Variants in PRICKLE2 observed in about 807,000 individuals in gnomAD.
PRICKLE2 encodes prickle planar cell polarity protein 2.
Under a neutral mutation model 81.4 loss-of-function variants are expected in PRICKLE2, and 21 were observed. The observed-to-expected ratio is 0.26, with a 90% confidence interval of 0.18 to 0.37. The LOEUF (loss-of-function observed/expected upper bound fraction) is 0.37. Among genes scored for constraint, PRICKLE2 ranks in the 10% least tolerant of loss-of-function variants. The pLI is 1.00. For missense variants in PRICKLE2, 940 were observed against 1,109.0 expected (o/e 0.85, Z 2.16); for synonymous variants, 456 against 421.5 (o/e 1.08, Z -1.00).
At chr3:64,200,628 T>TG (rs1417122170) in intron 1 of PRICKLE2, 2 of 151,900 alleles carry the variant, frequency 1.3e-5, no homozygotes, top group South Asian at 2.1e-4. Flanking sequence ...GGCTTTTTTT[T>TG]TTTCTGAGAC....
At chr3:64,186,468 G>C (rs898095549) in intron 2 of PRICKLE2, among the ~76,000 whole-genome samples, 4 of 152,202 alleles carry the variant, frequency 2.6e-5, no homozygotes, top group African/African-American at 9.6e-5. Flanking sequence ...TTACTCAAAA[G>C]ACAGAAGTTA....
intron 2 of PRICKLE2, among the ~76,000 whole-genome samples, chr3:64,242,609 A>C (rs2079283946): frequency 6.6e-6 from 1 of 152,270 alleles, no homozygotes; most frequent in Admixed American, 6.5e-5. Flanking sequence ...AGTCCACTTC[A>C]GTGGACGACT....
chr3:64,168,194 G>T (rs2077867647), intron 2 of PRICKLE2, among the ~76,000 whole-genome samples: 1 of 152,112 alleles, frequency 6.6e-6, no homozygotes, highest in Admixed American at 6.5e-5. Flanking sequence ...TATTTTCTTA[G>T]AGCAGGAACC....
chr3:64,141,692 T>C lies in PRICKLE2; in HGVS notation c.1660+5138A>G, dbSNP rs533640405. ...CTGTACACTCCCAGTTCTAAACACA[T>C]TGGGAGAGGCCAAAGCCCAGATCTG... is the stretch of plus-strand genomic sequence containing the variant. On this transcript the variant is annotated intron_variant, in intron 7 of 7. Transcript: ENST00000638394. The C allele has an allele frequency of 6.6e-5, 30 of 457,510 alleles. No homozygotes were observed. In the East Asian group the frequency reaches 7.7e-4, roughly 12 times the overall value. 28.3% of individuals were successfully genotyped at this position (457,510 alleles called of 1,614,324 possible).
chr3:64,244,902 C>T (rs1174139161), intron 2 of PRICKLE2, among the ~76,000 whole-genome samples: 1 of 152,158 alleles, frequency 6.6e-6, no homozygotes, highest in East Asian at 1.9e-4. Flanking sequence ...TCATAGCACA[C>T]ATGAATATAC....
At chr3:64,116,388 C>T (rs2076934384) in intron 7 of PRICKLE2, among the ~76,000 whole-genome samples, 1 of 151,682 alleles carries the variant, frequency 6.6e-6, no homozygotes, top group African/African-American at 2.4e-5. Flanking sequence ...AAAAGCCATT[C>T]AAAAGATCAA....
intron 2 of PRICKLE2, among the ~76,000 whole-genome samples, chr3:64,179,976 A>G (rs192055855): frequency 2.0e-5 from 3 of 152,306 alleles, no homozygotes; most frequent in African/African-American, 4.8e-5. Context: ...GTCACAGTTC[A>G]TTCTTCAAGC....
At chr3:64,128,112 G>T (rs960370440) in intron 7 of PRICKLE2, among the ~76,000 whole-genome samples, 1 of 152,108 alleles carries the variant, frequency 6.6e-6, no homozygotes, top group African/African-American at 2.4e-5. Flanking sequence ...AAGGAGAGGA[G>T]GTAGCGTTGG....
chr3:64,098,471 GAA>G lies in PRICKLE2; in HGVS notation c.*578_*579del, dbSNP rs35195442. On this transcript the variant is annotated 3_prime_UTR_variant, in exon 8 of 8. Coordinates refer to ENST00000638394, the MANE Select transcript of PRICKLE2 (RefSeq NM_198859.4). ...CACTGACATGTAACAAATTTGTATA[GAA>G]AAAAAAAAAAAAAAAAAAAAGGTGG... 1,685 of 79,464 alleles carry G rather than the reference GAA, an allele frequency of 0.021. 9 individuals are homozygous for G. The highest frequency in any genetic ancestry group is 0.041 in the African/African-American group (868 of 20,984). The allele number at this position is 79,464 out of a possible 1,614,324, so 4.9% of individuals were successfully genotyped here. A position where few individuals can be genotyped will look rare whatever the true frequency, so the allele number is the denominator to read the frequency against.
At chr3:64,103,840 C>G (rs1163977776) in intron 7 of PRICKLE2, among the ~76,000 whole-genome samples, 1 of 151,910 alleles carries the variant, frequency 6.6e-6, no homozygotes, top group African/African-American at 2.4e-5. Context: ...ATTAGCTGGG[C>G]ATGGTGGTGC....
intron 2 of PRICKLE2, among the ~76,000 whole-genome samples, chr3:64,242,076 T>A (rs1020076562): frequency 6.6e-6 from 1 of 152,152 alleles, no homozygotes; most frequent in African/African-American, 2.4e-5. Flanking sequence ...CAAGTGTGCC[T>A]TCTAATTATC....
intron 2 of PRICKLE2, among the ~76,000 whole-genome samples, chr3:64,255,247 C>A (rs973423561): frequency 1.6e-4 from 24 of 152,348 alleles, no homozygotes; most frequent in Middle Eastern, 6.8e-3. Flanking sequence ...TTGCTGGTCA[C>A]TGAACTTACT....
chr3:64,157,643 G>A (rs565943534), intron 4 of PRICKLE2, among the ~76,000 whole-genome samples: 6 of 152,298 alleles, frequency 3.9e-5, no homozygotes, highest in South Asian at 4.1e-4. Context: ...GCACAATAAC[G>A]TACAGGGGCT....
chr3:64,254,889 TCA>T (rs2079502264), intron 2 of PRICKLE2, among the ~76,000 whole-genome samples: 1 of 152,180 alleles, frequency 6.6e-6, no homozygotes, highest in South Asian at 2.1e-4. Flanking sequence ...TGTTAACCTC[TCA>T]ACACCATATT....
At chr3:64,134,494 T>C (rs1210536673) in intron 7 of PRICKLE2, among the ~76,000 whole-genome samples, 1 of 152,190 alleles carries the variant, frequency 6.6e-6, no homozygotes, top group African/African-American at 2.4e-5. Context: ...CTTTGTTGAC[T>C]GGGTATAGGG....
At position 64,240,145 on chromosome 3, in the gene PRICKLE2, C is replaced by T. The variant is rs191866026; in HGVS notation, c.129-41178G>A. ...AAAAATAAATAAAATTTTCATTTAGCCTGCTGAATCTGTTCTTTCCATTCC... is the reference window on the plus strand; with the variant it reads ...AAAAATAAATAAAATTTTCATTTAGTCTGCTGAATCTGTTCTTTCCATTCC... On this transcript the variant is annotated intron_variant, in intron 2 of 8. Coordinates refer to the PRICKLE2 transcript ENST00000295902. 1.9e-4 allele frequency among the ~76,000 whole-genome samples: 29 copies of T among 152,006 alleles called. No homozygotes were observed. In the East Asian group the frequency reaches 5.6e-3, roughly 30 times the overall value.
chr3:64,198,571 A>G lies in PRICKLE2; in HGVS notation c.144+213T>C, dbSNP rs570883428. ...AATCCTGGTAACAGTTAATAATGAC[A>G]ATACAGAATGAATTAGCAATGGATC... On this transcript the variant is annotated intron_variant, in intron 2 of 7. Transcript: ENST00000638394. 24 of 632,338 alleles carry G rather than the reference A, an allele frequency of 3.8e-5. No homozygotes were observed. In the East Asian group the frequency reaches 6.6e-4, roughly 17 times the overall value. The allele number at this position is 632,338 out of a possible 1,614,324, so 39.2% of individuals were successfully genotyped here. A position where few individuals can be genotyped will look rare whatever the true frequency, so the allele number is the denominator to read the frequency against.
chr3:64,252,312 C>A (rs2079459445), intron 2 of PRICKLE2, among the ~76,000 whole-genome samples: 2 of 152,160 alleles, frequency 1.3e-5, no homozygotes, highest in African/African-American at 2.4e-5. Flanking sequence ...CTCCTTTCTC[C>A]CAGGAAAGTT....
intron 6 of PRICKLE2, among the ~76,000 whole-genome samples, chr3:64,148,556 C>G (rs2077494085): frequency 1.3e-5 from 2 of 152,166 alleles, no homozygotes; most frequent in Admixed American, 1.3e-4. Context: ...TAAGTCACAG[C>G]AGCAACTCAG....
Sources: gnomAD v4.1 joint callset for allele counts (sites outside exome capture counted in the v4.1 genomes callset) on GRCh38, gnomAD v4.1.1 for gene constraint, MANE v1.5 for transcripts, NCBI Gene and HGNC (gene_info 2026-07-23, HGNC 2026-07-21) for gene names.